Variants in TFG observed in about 807,000 individuals in gnomAD.
The protein encoded by TFG is trafficking from ER to golgi regulator.
A neutral mutation model predicts 51.4 loss-of-function variants in TFG; 22 were observed. That is an observed-to-expected ratio of 0.43 (90% confidence interval 0.31 to 0.61). TFG has a LOEUF of 0.61. Ranked by LOEUF, TFG falls within the 20% of genes least tolerant of loss-of-function variation. TFG has a pLI of 0.12. For missense variants in TFG, 419 were observed against 487.7 expected (o/e 0.86, Z 1.33); for synonymous variants, 187 against 165.6 (o/e 1.13, Z -0.99).
At position 100,748,476 on chromosome 3, in the gene TFG, G is replaced by A. The variant is rs146202800; in HGVS notation, c.1148G>A (p.Arg383His). The A allele has an allele frequency of 1.6e-5, 26 of 1,614,016 alleles. No individual in the cohort carries two copies. In the East Asian group the frequency reaches 2.9e-4, roughly 18 times the overall value. Residue 383 changes from arginine to histidine, a missense_variant, in exon 8 of 8, where the codon CGT becomes CAT. By Grantham distance (29) the Arg-to-His change is conservative. This residue lies in a region of TFG where 391 missense variants were observed against 434.4 expected (regional missense o/e 0.90). Transcript: ENST00000240851. The part of the protein sequence containing the change: ...PPPSGPNPYA[R>H]NRPPFGQGYT... ...CCAAGTGGGCCTAATCCTTATGCGC[G>A]TAACCGTCCTCCCTTTGGTCAGGGC...
At chr3:100,714,424 C>T (rs539063438) in intron 2 of TFG, among the ~76,000 whole-genome samples, 145 of 151,784 alleles carry the variant, frequency 9.6e-4, no homozygotes, top group Admixed American at 2.9e-3. Flanking sequence ...TACTTGAACC[C>T]GGGAGGTGGA....
At chr3:100,726,782 T>G (rs866134343) in intron 3 of TFG, among the ~76,000 whole-genome samples, 31 of 152,254 alleles carry the variant, frequency 2.0e-4, no homozygotes, top group Middle Eastern at 3.4e-3. Flanking sequence ...TATTTTTTTT[T>G]GGGCTTGGGT....
chr3:100,748,330 T>G lies in TFG; in HGVS notation c.1002T>G (p.Ser334=), dbSNP rs761683764. The G allele has an allele frequency of 4.6e-5, 74 of 1,613,896 alleles. No homozygotes were observed. Among genetic ancestry groups the G allele is most frequent in the Non-Finnish European group, 5.8e-5 (69 of 1,179,988 alleles). Residue 334 remains serine (S), a synonymous_variant, in exon 8 of 8, where the codon TCT becomes TCG. Coordinates refer to ENST00000240851, the MANE Select transcript of TFG (RefSeq NM_006070.6). ...CACAAACTTACACTGCCCAAACTTC[T>G]CAGCCTACTAATTATACTGTGGCTC... is the stretch of plus-strand genomic sequence containing the variant. ...YPAQTYTAQT[S]QPTNYTVAPA...
intron 7 of TFG, among the ~76,000 whole-genome samples, chr3:100,745,330 A>T (rs563976982): frequency 6.6e-6 from 1 of 152,194 alleles, no homozygotes; most frequent in South Asian, 2.1e-4. Flanking sequence ...ACAGTTTACT[A>T]TACATGGAAA....
At chr3:100,744,757 A>C in intron 6 of TFG, 76 bp from the exon 7 acceptor site, 1 of 888,174 alleles carries the variant, frequency 1.1e-6, no homozygotes, top group Non-Finnish European at 1.9e-6. Context: ...GGGAATGTAT[A>C]TGTATCTTAA....
chr3:100,733,111 G>A (rs562488074), intron 5 of TFG, among the ~76,000 whole-genome samples: 26 of 152,194 alleles, frequency 1.7e-4, no homozygotes, highest in Middle Eastern at 6.8e-3. Flanking sequence ...AGTATACAGT[G>A]GGTTTTTATA....
chr3:100,719,966 A>G lies in TFG; in HGVS notation c.185-9A>G, dbSNP rs778438842. On this transcript the variant is annotated splice_polypyrimidine_tract_variant and intron_variant, in intron 2 of 7. Transcript: ENST00000240851. ...TTAAAAAACAACCTTTTTTTTTTTT[A>G]AATTCCAGATGGAGATCTTATAACA... 2.7e-6 allele frequency: 4 copies of G among 1,469,662 alleles called. No homozygotes were observed. In the African/African-American group the frequency reaches 4.4e-5, roughly 16 times the overall value. 91.0% of individuals were successfully genotyped at this position (1,469,662 alleles called of 1,614,324 possible).
chr3:100,719,615 T>C (rs2095055342), intron 2 of TFG, among the ~76,000 whole-genome samples: 1 of 152,232 alleles, frequency 6.6e-6, no homozygotes, highest in Non-Finnish European at 1.5e-5. Context: ...TGGTAAAAGA[T>C]GTAAATTTTT....
At chr3:100,725,197 C>T (rs185214240) in intron 3 of TFG, among the ~76,000 whole-genome samples, 5 of 152,158 alleles carry the variant, frequency 3.3e-5, no homozygotes, top group Admixed American at 2.6e-4. Flanking sequence ...TGAGCCACCA[C>T]GCCTGGCCAA....
intron 4 of TFG, among the ~76,000 whole-genome samples, chr3:100,731,618 A>G (rs934033447): frequency 1.3e-5 from 2 of 152,156 alleles, no homozygotes; most frequent in Non-Finnish European, 2.9e-5. Context: ...AGAGTGGAGT[A>G]CAATCTCAGC....
intron 4 of TFG, among the ~76,000 whole-genome samples, chr3:100,729,843 C>T (rs2095086614): frequency 6.6e-6 from 1 of 151,898 alleles, no homozygotes; most frequent in Non-Finnish European, 1.5e-5. Context: ...TTCTCTCTTC[C>T]TGTCTTCTAA....
At chr3:100,709,392 A>T (rs1014088794), upstream of TFG, 2 of 152,550 alleles carry the variant, frequency 1.3e-5, no homozygotes, top group African/African-American at 4.8e-5. Flanking sequence ...GCCGGGACCC[A>T]GCCAGCCCTG....
chr3:100,736,481 G>GTA, intron 5 of TFG, 95 bp from the exon 6 acceptor site: 1 of 1,353,238 alleles, frequency 7.4e-7, no homozygotes, highest in South Asian at 1.3e-5. Context: ...TTATTCTATA[G>GTA]TACTTTTAGT....
rs551167167 is a variant in TFG at position 100,719,519 on chromosome 3, A to G, written c.185-456A>G. ...AGTGACCTGAAAGAATTTACTGTCT[A>G]TCCATTCATTAAAGCAGTTTTGCAA... is the stretch of plus-strand genomic sequence containing the variant. On this transcript the variant is annotated intron_variant, in intron 2 of 7. Coordinates refer to ENST00000240851, the MANE Select transcript of TFG (RefSeq NM_006070.6). 3.9e-5 allele frequency among the ~76,000 whole-genome samples: 6 copies of G among 152,354 alleles called. No homozygotes were observed. In the South Asian group the frequency reaches 1.2e-3, roughly 32 times the overall value.
intron 6 of TFG, among the ~76,000 whole-genome samples, chr3:100,737,697 A>G (rs2095110418): frequency 6.6e-6 from 1 of 152,202 alleles, no homozygotes; most frequent in South Asian, 2.1e-4. Flanking sequence ...AACAAAACAT[A>G]GGCTAAAATG....
intron 4 of TFG, among the ~76,000 whole-genome samples, chr3:100,731,556 C>T (rs896674940): frequency 2.6e-5 from 4 of 152,188 alleles, no homozygotes; most frequent in African/African-American, 7.2e-5. Context: ...CAGTTACCAA[C>T]TTATAGTATC....
chr3:100,727,438 T>C (rs1211997667), intron 3 of TFG, among the ~76,000 whole-genome samples: 1 of 152,346 alleles, frequency 6.6e-6, no homozygotes, highest in African/African-American at 2.4e-5. Context: ...AGAATCGCCC[T>C]GAACTTTTAT....
intron 3 of TFG, among the ~76,000 whole-genome samples, chr3:100,728,073 G>C (rs1228889302): frequency 6.6e-6 from 1 of 152,104 alleles, no homozygotes; most frequent in Non-Finnish European, 1.5e-5. Flanking sequence ...GGCTCAAGCA[G>C]TTCTCCCTCC....
intron 6 of TFG, among the ~76,000 whole-genome samples, chr3:100,738,216 TTTAA>T (rs2095111908): frequency 1.3e-5 from 2 of 152,236 alleles, no homozygotes; most frequent in Admixed American, 1.3e-4. Flanking sequence ...CTCAACCAAC[TTTAA>T]TTAACTCCTC....
Sources: gnomAD v4.1 joint callset for allele counts (sites outside exome capture counted in the v4.1 genomes callset) on GRCh38, gnomAD v4.1.1 for gene constraint, gnomAD v4.1.1 regional missense constraint, MANE v1.5 for transcripts, NCBI Gene and HGNC (gene_info 2026-07-23, HGNC 2026-07-21) for gene names.